Variants in NT5DC4 observed in about 807,000 individuals in gnomAD.
NT5DC4 encodes 5'-nucleotidase domain-containing protein 4.
NT5DC4 carries 44 observed loss-of-function variants against 26.6 expected under a neutral mutation model. The observed-to-expected ratio is 1.65, with a 90% confidence interval of 1.30 to 2.13. The LOEUF (loss-of-function observed/expected upper bound fraction) is 2.13. Among genes scored for constraint, NT5DC4 ranks in the 30% most tolerant of loss-of-function variants. NT5DC4 has a pLI of 0.00. For missense variants in NT5DC4, 399 were observed against 228.1 expected (o/e 1.75, Z -4.83); for synonymous variants, 157 against 86.7 (o/e 1.81, Z -4.51).
downstream of NT5DC4, chr2:112,740,749 G>T: frequency 1.5e-6 from 2 of 1,322,104 alleles, no homozygotes; most frequent in Non-Finnish European, 2.1e-6. Flanking sequence ...CTAGATCTGT[G>T]AAGGAAAAAT....
At chr2:112,742,330 G>GT (rs146457049), downstream of NT5DC4, 504 of 713,182 alleles carry the variant, frequency 7.1e-4, no homozygotes, top group African/African-American at 7.8e-3. Flanking sequence ...TTTTTAAAGC[G>GT]TAACACAAAT....
At chr2:112,730,978 A>G (rs1312083180) in intron 16 of NT5DC4, 1 of 152,100 alleles carries the variant, frequency 6.6e-6, no homozygotes, top group Non-Finnish European at 1.5e-5. Flanking sequence ...CCCCATCAGG[A>G]TCCAGCCTAG....
At chr2:112,735,175 C>T (rs1299601606) in intron 16 of NT5DC4, among the ~76,000 whole-genome samples, 1 of 150,852 alleles carries the variant, frequency 6.6e-6, no homozygotes, top group African/African-American at 2.4e-5. Context: ...TCCTGAGTAG[C>T]TGGGATTACA....
intron 16 of NT5DC4, chr2:112,738,628 G>C (rs976825253): frequency 3.7e-5 from 22 of 588,254 alleles, no homozygotes; most frequent in Non-Finnish European, 6.6e-5. Context: ...CTGGCAAACT[G>C]GTCTTAAACA....
rs1677585450 is a variant in NT5DC4 at position 112,725,485 on chromosome 2, G to A, written c.1086G>A (p.Gln362=). ...FGDILKSKKR[Q]GWRTCLVVPE... is the part of the protein sequence containing the mutation. ...ACATTCTCAAGTCCAAGAAGCGTCA[G>A]GGCTGGCGGACTTGCCTGGTGGTTC... The change falls in exon 13 of 17, where the codon CAG becomes CAA. Residue 362 remains glutamine (Q), a synonymous_variant. Coordinates refer to ENST00000688554, the MANE Select transcript of NT5DC4 (RefSeq NM_001393655.1). 1 of 717,078 alleles carries A rather than the reference G, an allele frequency of 1.4e-6. No homozygotes were observed. Among genetic ancestry groups the A allele is most frequent in the Non-Finnish European group, 2.6e-6 (1 of 384,980 alleles). 44.4% of individuals were successfully genotyped at this position (717,078 alleles called of 1,614,324 possible).
intron 16 of NT5DC4, chr2:112,738,371 T>C: frequency 6.2e-6 from 1 of 161,450 alleles, no homozygotes; most frequent in Admixed American, 6.1e-5. Context: ...AAATGAGGGG[T>C]TTTGACTTGG....
intron 11 of NT5DC4, 29 bp downstream of exon 11, chr2:112,724,935 G>A (rs2104736665): frequency 4.2e-6 from 3 of 714,908 alleles, no homozygotes; most frequent in East Asian, 5.4e-5. Context: ...ATGGACCACG[G>A]TTGGGGAGGG....
upstream of NT5DC4, among the ~76,000 whole-genome samples, chr2:112,719,946 C>CTTTT (rs1368657433): frequency 3.9e-5 from 4 of 103,316 alleles, no homozygotes; most frequent in African/African-American, 1.8e-4. Flanking sequence ...TTCTTTCTTT[C>CTTTT]TTTCTTTCTT....
downstream of NT5DC4, among the ~76,000 whole-genome samples, chr2:112,742,222 CGT>C (rs1680022257): frequency 6.6e-6 from 1 of 152,158 alleles, no homozygotes. Context: ...TAATGTCACT[CGT>C]GTTTGGCACA....
At chr2:112,723,361 G>GCACACA (rs36112869) in intron 7 of NT5DC4, 57 bp from the exon 8 acceptor site, 165,182 of 633,734 alleles carry the variant, frequency 0.26, 7,265 homozygotes, top group Non-Finnish European at 0.29. Flanking sequence ...GGGTACACAT[G>GCACACA]CACACACACA....
chr2:112,721,461 G>T (rs1261631385), intron 1 of NT5DC4: 1 of 717,586 alleles, frequency 1.4e-6, no homozygotes, highest in Non-Finnish European at 2.6e-6. Flanking sequence ...TTGGACACTG[G>T]GGTCCCATTT....
intron 15 of NT5DC4, chr2:112,727,121 G>A (rs7559917): frequency 0.99 from 240,442 of 243,610 alleles, 118,740 homozygotes; most frequent in East Asian, 1. Context: ...AGAAAAGACA[G>A]TGTTCCCTTG....
chr2:112,719,065 G>A (rs4849114), upstream of NT5DC4, among the ~76,000 whole-genome samples: 63,679 of 152,104 alleles, frequency 0.42, 14,480 homozygotes, highest in Non-Finnish European at 0.49. Flanking sequence ...GTCATTAGTC[G>A]ATTTCACCAT....
intron 16 of NT5DC4, chr2:112,731,625 T>C (rs1422344341): frequency 1.3e-5 from 2 of 152,140 alleles, no homozygotes; most frequent in Non-Finnish European, 2.9e-5. Context: ...AAAACTTGAC[T>C]CTCGAATGTG....
intron 16 of NT5DC4, chr2:112,737,388 TTA>T (rs1271516976): frequency 6.6e-6 from 1 of 152,218 alleles, no homozygotes; most frequent in East Asian, 1.9e-4. Context: ...TCATCAACAT[TTA>T]TCTCATGTCT....
At chr2:112,719,969 TC>T (rs763982892), upstream of NT5DC4, among the ~76,000 whole-genome samples, 10,770 of 117,592 alleles carry the variant, frequency 0.092, 793 homozygotes, top group East Asian at 0.15. Flanking sequence ...TTTCTTTCTT[TC>T]TTTCTTTCTT....
Position 112,722,059 on chromosome 2 carries a change from G to A in NT5DC4, c.222G>A (p.Pro74=), listed in dbSNP as rs188470836. ...LLERLVCIGY[P]HEILRYTYDP... The stretch of plus-strand genomic sequence containing the variant: ...AGCGCCTGGTGTGCATTGGGTACCC[G>A]CATGAGATCCTGCGCTACACCTACG... The change falls in exon 3 of 17, where the codon CCG becomes CCA. Residue 74 remains proline (P), a synonymous_variant. Transcript: ENST00000688554. The A allele has an allele frequency of 8.4e-6, 6 of 717,072 alleles. No individual in the cohort carries two copies. The highest frequency in any genetic ancestry group is 1.5e-5 in the South Asian group (1 of 67,606). The allele number at this position is 717,072 out of a possible 1,614,324, so 44.4% of individuals were successfully genotyped here. A position where few individuals can be genotyped will look rare whatever the true frequency, so the allele number is the denominator to read the frequency against.
chr2:112,725,863 C>T (rs1677638922), intron 13 of NT5DC4, among the ~76,000 whole-genome samples: 1 of 148,088 alleles, frequency 6.8e-6, no homozygotes, highest in Admixed American at 6.8e-5. Flanking sequence ...CCACCCACCC[C>T]AAGGATGTTC....
chr2:112,738,257 C>T (rs1403014612), intron 16 of NT5DC4: 1 of 152,382 alleles, frequency 6.6e-6, no homozygotes, highest in Non-Finnish European at 1.5e-5. Context: ...ATAGAAAAAA[C>T]AAGAATTCTC....
Sources: allele counts gnomAD v4.1 joint callset (sites outside exome capture counted in the v4.1 genomes callset), GRCh38; gene constraint gnomAD v4.1.1; transcripts MANE v1.5; gene names NCBI Gene and HGNC (gene_info 2026-07-23, HGNC 2026-07-21).